The following CANX variants were observed in gnomAD, a reference collection of about 807,000 sequenced individuals.
CANX encodes the protein calnexin.
In CANX, 14 loss-of-function variants were observed where a neutral mutation model predicts 75.7. That is an observed-to-expected ratio of 0.19 (90% CI 0.12 to 0.29). The LOEUF is 0.29. Ranked by LOEUF, CANX falls within the 10% of genes least tolerant of loss-of-function variation. CANX has a pLI of 1.00. For missense variants in CANX, 567 were observed against 713.2 expected (o/e 0.79, Z 2.34); for synonymous variants, 227 against 236.9 (o/e 0.96, Z 0.38).
upstream of CANX, among the ~76,000 whole-genome samples, chr5:179,695,242 G>A (rs1211013501): frequency 6.6e-6 from 1 of 151,932 alleles, no homozygotes; most frequent in African/African-American, 2.4e-5. Flanking sequence ...GTTTTTTTTA[G>A]TAGAGACGGG....
Position 179,719,782 on chromosome 5 carries a change from G to A in CANX, c.1025+1G>A, listed in dbSNP as rs767686736. 6.5e-7 allele frequency: 1 copy of A among 1,530,704 alleles called. No individual in the cohort carries two copies. Among genetic ancestry groups the A allele is most frequent in the Non-Finnish European group, 9.0e-7 (1 of 1,116,658 alleles). 94.8% of individuals were successfully genotyped at this position (1,530,704 alleles called of 1,614,324 possible). On this transcript the variant is annotated splice_donor_variant, in intron 9 of 14. Coordinates refer to ENST00000247461, the MANE Select transcript of CANX (RefSeq NM_001746.4). LOFTEE classifies it high-confidence loss of function. ...CAGACGCAGAGAAACCTGAGGATTGGTAAGAACTTCAGTTAACTTTTTTTA... is the reference window on the plus strand; with the variant it reads ...CAGACGCAGAGAAACCTGAGGATTGATAAGAACTTCAGTTAACTTTTTTTA...
At chr5:179,724,809 G>A (rs767298032) in intron 13 of CANX, 26 bp downstream of exon 13, 2 of 1,588,070 alleles carry the variant, frequency 1.3e-6, no homozygotes, top group African/African-American at 1.4e-5. Flanking sequence ...CAGAAAATCT[G>A]CTTTAAGCCA....
upstream of CANX, among the ~76,000 whole-genome samples, chr5:179,695,310 C>CG (rs1393625527): frequency 1.3e-5 from 2 of 151,800 alleles, no homozygotes; most frequent in African/African-American, 4.8e-5. Context: ...CCACCCGCCT[C>CG]GGCTTCCCAA....
In CANX at chr5:179,707,161, A is replaced by T; in HGVS notation, c.275A>T (p.Asp92Val). ...ATTTTATCCAAAGCCAAGAAAGACG[A>T]TACCGATGATGAAATTGCCAAATAT... ...GWILSKAKKD[D>V]TDDEIAKYDG... The change falls in exon 4 of 15, where the codon GAT (aspartate) becomes GTT (valine). Residue 92 changes from aspartate to valine, a missense_variant. Physicochemically the swap from Asp to Val is radical, Grantham distance 152. This residue lies in a region of CANX where 351 missense variants were observed against 433.8 expected (regional missense o/e 0.81). Transcript: ENST00000247461. 1 of 1,600,996 alleles carries T rather than the reference A, an allele frequency of 6.2e-7. No individual in the cohort carries two copies. Among genetic ancestry groups the T allele is most frequent in the South Asian group, 1.1e-5 (1 of 90,820 alleles).
chr5:179,719,397 A>G lies in CANX; in HGVS notation c.912-271A>G, dbSNP rs115379387. Among the ~76,000 whole-genome samples the G allele has an allele frequency of 1.1e-3, 167 of 152,200 alleles. No individual in the cohort carries two copies. In the Middle Eastern group the frequency reaches 0.024, roughly 22 times the overall value. ...TGTGCTTATTGTATGTTCATATTGT[A>G]TATTTTTACATTCGTATGTCTTCTT... On this transcript the variant is annotated intron_variant, in intron 8 of 14. Coordinates refer to ENST00000247461, the MANE Select transcript of CANX (RefSeq NM_001746.4).
chr5:179,717,784 C>T (rs1052142754), intron 8 of CANX, among the ~76,000 whole-genome samples: 2 of 151,738 alleles, frequency 1.3e-5, no homozygotes, highest in South Asian at 4.2e-4. Flanking sequence ...GGCGCCATCA[C>T]GGCTCACTGC....
chr5:179,692,640 A>G (rs752314572), intron 1 of CANX, among the ~76,000 whole-genome samples: 1 of 151,750 alleles, frequency 6.6e-6, no homozygotes, highest in Non-Finnish European at 1.5e-5. Flanking sequence ...CTATCCACCT[A>G]CCTCAGCCTC....
chr5:179,693,401 C>T (rs1327748887), intron 1 of CANX, among the ~76,000 whole-genome samples: 16 of 75,608 alleles, frequency 2.1e-4, no homozygotes, highest in Admixed American at 1.8e-3. Flanking sequence ...AGGCTGGGCA[C>T]GGTGGCTCAG....
chr5:179,689,469 C>T (rs1212867389), intron 1 of CANX, among the ~76,000 whole-genome samples: 1 of 139,848 alleles, frequency 7.2e-6, no homozygotes, highest in Non-Finnish European at 1.5e-5. Context: ...CTCACTGCAA[C>T]TTCTGCTTCC....
At position 179,724,627 on chromosome 5, in the gene CANX, A is replaced by G. The variant is rs541240656; in HGVS notation, c.1519-30A>G. 2.5e-6 allele frequency: 4 copies of G among 1,603,572 alleles called. No individual in the cohort carries two copies. The African/African-American group carries it at 4.0e-5, about 16-fold the overall frequency. On this transcript the variant is annotated intron_variant, in intron 12 of 14. Transcript: ENST00000247461. ...ATATAACATAATACATGAACATGTA[A>G]ACAAAATTGTACTTTGGGGAACATT... is the stretch of plus-strand genomic sequence containing the variant.
chr5:179,712,226 T>C (rs964848291), intron 7 of CANX, among the ~76,000 whole-genome samples: 5 of 152,026 alleles, frequency 3.3e-5, no homozygotes, highest in Non-Finnish European at 5.9e-5. Flanking sequence ...TTTATAATTA[T>C]ACATAAATCC....
At chr5:179,714,684 ATT>A (rs1276186138) in intron 7 of CANX, among the ~76,000 whole-genome samples, 20 of 151,834 alleles carry the variant, frequency 1.3e-4, no homozygotes, top group Admixed American at 1.3e-3. Flanking sequence ...CGCTGGGCTA[ATT>A]TTTTGTATTT....
intron 7 of CANX, among the ~76,000 whole-genome samples, 196 bp downstream of exon 7, chr5:179,710,261 A>T (rs554843712): frequency 6.6e-6 from 1 of 151,944 alleles, no homozygotes; most frequent in Non-Finnish European, 1.5e-5. Flanking sequence ...CACCTCTACT[A>T]AAAATACAAA....
chr5:179,681,916 C>A (rs760565028), intron 1 of CANX, among the ~76,000 whole-genome samples: 36 of 148,946 alleles, frequency 2.4e-4, no homozygotes, highest in Non-Finnish European at 4.9e-4. Context: ...CCACTGCACT[C>A]CAGCATGGGC....
intron 1 of CANX, chr5:179,678,919 G>T: frequency 1.3e-6 from 2 of 1,535,210 alleles, no homozygotes; most frequent in Non-Finnish European, 1.7e-6. Flanking sequence ...GGAACACGAA[G>T]GCCTGGTTGC....
chr5:179,693,834 T>TAA (rs111904332), upstream of CANX, among the ~76,000 whole-genome samples: 1 of 143,706 alleles, frequency 7.0e-6, no homozygotes. Context: ...TAACTTGTCT[T>TAA]AAAAAAAAAA....
intron 7 of CANX, 177 bp from the exon 8 acceptor site, chr5:179,715,928 G>T: frequency 1.5e-6 from 1 of 675,754 alleles, no homozygotes; most frequent in African/African-American, 1.8e-5. Flanking sequence ...TTTATGTTTC[G>T]TGCATAAGGA....
chr5:179,683,979 A>G lies in CANX; in HGVS notation c.-4+5202A>G, dbSNP rs1466411728. On this transcript the variant is annotated intron_variant, in intron 1 of 14. Coordinates refer to the CANX transcript ENST00000681674. ...GAAACACCACACAATTTGTTTTTCC[A>G]TTCAGCTGTTGATGCACATTTGGGT... is the stretch of plus-strand genomic sequence containing the variant. Among the ~76,000 whole-genome samples, 3 of 152,172 alleles carry G rather than the reference A, an allele frequency of 2.0e-5. No homozygotes were observed. In the East Asian group the frequency reaches 5.8e-4, roughly 29 times the overall value.
At chr5:179,716,060 CT>C in intron 7 of CANX, 44 bp from the exon 8 acceptor site, 1 of 1,350,116 alleles carries the variant, frequency 7.4e-7, no homozygotes, top group Non-Finnish European at 1.1e-6. Context: ...GTAAAGGGAG[CT>C]TGGAAAATTA....
Sources: gnomAD v4.1 joint callset for allele counts (sites outside exome capture counted in the v4.1 genomes callset) on GRCh38, gnomAD v4.1.1 for gene constraint, gnomAD v4.1.1 regional missense constraint, MANE v1.5 for transcripts, NCBI Gene and HGNC (gene_info 2026-07-23, HGNC 2026-07-21) for gene names.